The following GCH1 variants were observed in gnomAD, a reference collection of about 807,000 sequenced individuals.
GCH1 encodes GTP cyclohydrolase I.
A neutral mutation model predicts 25.9 loss-of-function variants in GCH1; 5 were observed. The observed-to-expected ratio is 0.19, with a 90% confidence interval of 0.10 to 0.41. The LOEUF (loss-of-function observed/expected upper bound fraction) is 0.41, where lower values mean the gene tolerates loss of function less well. GCH1 is among the 10% of genes least tolerant of loss of function. The pLI is 1.00. For synonymous variants in GCH1, 159 were observed against 129.6 expected (o/e 1.23, Z -1.54); for missense variants, 261 against 336.5 (o/e 0.78, Z 1.75).
At chr14:54,858,174 C>G (rs1310840868) in intron 3 of GCH1, among the ~76,000 whole-genome samples, 2 of 151,336 alleles carry the variant, frequency 1.3e-5, no homozygotes, top group Non-Finnish European at 2.9e-5. Context: ...TGAGAAATAT[C>G]AGGACCACCA....
In GCH1 at chr14:54,902,783, C is replaced by G. The variant is rs1370156826; in HGVS notation, c.-120G>C. ...GCCGGAGTCACCTGAGGAAGGTACGCAACCTGCTTAGATCACACTCCGAGC... is the reference window on the plus strand; with the variant it reads ...GCCGGAGTCACCTGAGGAAGGTACGGAACCTGCTTAGATCACACTCCGAGC... On this transcript the variant is annotated 5_prime_UTR_variant, in exon 1 of 6. Transcript: ENST00000491895. The G allele has an allele frequency of 7.7e-6, 10 of 1,303,306 alleles. No individual in the cohort carries two copies. In the South Asian group the frequency reaches 1.6e-4, roughly 21 times the overall value. The allele number at this position is 1,303,306 out of a possible 1,614,324, so 80.7% of individuals were successfully genotyped here. A position where few individuals can be genotyped will look rare whatever the true frequency, so the allele number is the denominator to read the frequency against.
chr14:54,867,049 C>A (rs2039997735), intron 1 of GCH1, among the ~76,000 whole-genome samples: 3 of 152,132 alleles, frequency 2.0e-5, no homozygotes, highest in Admixed American at 1.3e-4. Context: ...TCTTGGATTT[C>A]TCCCCAAGAT....
chr14:54,845,431 T>C (rs986787704), intron 5 of GCH1, among the ~76,000 whole-genome samples: 10 of 151,762 alleles, frequency 6.6e-5, no homozygotes, highest in Admixed American at 1.3e-4. Context: ...TGAGCCGAGA[T>C]TGCACCACTG....
chr14:54,879,882 G>T (rs1334404149), intron 1 of GCH1, among the ~76,000 whole-genome samples: 1 of 150,782 alleles, frequency 6.6e-6, no homozygotes, highest in Admixed American at 6.7e-5. Context: ...GTACTCAGGA[G>T]GCTGAGGCAG....
At chr14:54,885,587 A>C (rs1389391884) in intron 1 of GCH1, 2 of 390,878 alleles carry the variant, frequency 5.1e-6, no homozygotes, top group Admixed American at 3.0e-5. Flanking sequence ...GTCATCTGCC[A>C]CCAGGAAGAA....
Position 54,861,372 on chromosome 14 carries a change from C to T in GCH1, c.454-1636G>A, listed in dbSNP as rs181601292. Among the ~76,000 whole-genome samples the T allele has an allele frequency of 2.9e-3, 434 of 152,234 alleles. 2 individuals carry two copies. Among genetic ancestry groups the T allele is most frequent in the African/African-American group, 9.8e-3 (407 of 41,544 alleles). On this transcript the variant is annotated intron_variant, in intron 2 of 5. Transcript: ENST00000491895. ...AAATTTTTACATTTCCATGCAGACACGGAATTTGTTCATTGTTTATACTAT... is the reference window on the plus strand; with the variant it reads ...AAATTTTTACATTTCCATGCAGACATGGAATTTGTTCATTGTTTATACTAT...
rs941757524 is a variant in GCH1, at chr14:54,842,935, T to C, written c.*1082A>G. ...ACCGGGACCAGAAGCTTCCAGTGCATTTTCACAGATCGTTGGTACGATACG... is the reference window on the plus strand; with the variant it reads ...ACCGGGACCAGAAGCTTCCAGTGCACTTTCACAGATCGTTGGTACGATACG... On this transcript the variant is annotated 3_prime_UTR_variant, in exon 6 of 6. Coordinates refer to ENST00000491895, the MANE Select transcript of GCH1 (RefSeq NM_000161.3). 3.1e-5 allele frequency: 20 copies of C among 655,148 alleles called. No individual in the cohort carries two copies. Among genetic ancestry groups the C allele is most frequent in the Admixed American group, 2.6e-5 (1 of 38,900 alleles). 40.6% of individuals were successfully genotyped at this position (655,148 alleles called of 1,614,324 possible).
Position 54,842,966 on chromosome 14 carries a change from G to A in GCH1, c.*1051C>T. 1.4e-6 allele frequency: 1 copy of A among 740,476 alleles called. No homozygotes were observed. The highest frequency in any genetic ancestry group is 1.5e-5 in the South Asian group (1 of 64,990). The allele number at this position is 740,476 out of a possible 1,614,324, so 45.9% of individuals were successfully genotyped here. On this transcript the variant is annotated 3_prime_UTR_variant, in exon 6 of 6. Transcript: ENST00000491895. ...CAGATCGTTGGTACGATACGCTTTG[G>A]TTAAAACGTTGGACACAGCTCATAA...
chr14:54,893,125 C>G (rs1353837460), intron 1 of GCH1, among the ~76,000 whole-genome samples: 1 of 152,160 alleles, frequency 6.6e-6, no homozygotes, highest in Non-Finnish European at 1.5e-5. Flanking sequence ...GAATAAAATT[C>G]TAGTAAATGA....
At chr14:54,899,099 C>T (rs1485238170) in intron 1 of GCH1, among the ~76,000 whole-genome samples, 1 of 152,148 alleles carries the variant, frequency 6.6e-6, no homozygotes, top group Admixed American at 6.5e-5. Context: ...CACCTTCATA[C>T]ATGTGGTCCA....
Position 54,902,491 on chromosome 14 carries a change from G to A in GCH1, c.173C>T (p.Pro58Leu), listed in dbSNP as rs1438904628. Reference sequence around the variant, plus strand: ...CAGCTCGTTATCCTCCTCGCTGCGGGGCCGCTCGCCCTTCCAGCCGTCCGC... The same window carrying A: ...CAGCTCGTTATCCTCCTCGCTGCGGAGCCGCTCGCCCTTCCAGCCGTCCGC... ...QPADGWKGERPRSEEDNELNL... is the reference protein window; with the variant it reads ...QPADGWKGERLRSEEDNELNL... The change falls in exon 1 of 6, where the codon CCC becomes CTC. Residue 58 changes from proline (P) to leucine (L), a missense_variant. By Grantham distance (98) the Pro-to-Leu change is moderately conservative. Coordinates refer to ENST00000491895, the MANE Select transcript of GCH1 (RefSeq NM_000161.3). The A allele has an allele frequency of 1.2e-6, 2 of 1,609,332 alleles. No homozygotes were observed. Among genetic ancestry groups the A allele is most frequent in the Admixed American group, 1.7e-5 (1 of 59,640 alleles).
intron 3 of GCH1, among the ~76,000 whole-genome samples, chr14:54,852,021 CT>C (rs1755784400): frequency 6.6e-6 from 1 of 152,212 alleles, no homozygotes; most frequent in South Asian, 2.1e-4. Flanking sequence ...AACTACTGAC[CT>C]CAGGTGATCT....
At chr14:54,864,861 T>C (rs1353392917) in intron 2 of GCH1, among the ~76,000 whole-genome samples, 1 of 152,130 alleles carries the variant, frequency 6.6e-6, no homozygotes, top group Non-Finnish European at 1.5e-5. Context: ...TGGAAACAAA[T>C]CCACAAATAC....
chr14:54,858,550 T>C (rs576534587), intron 3 of GCH1, among the ~76,000 whole-genome samples: 1 of 152,030 alleles, frequency 6.6e-6, no homozygotes, highest in Non-Finnish European at 1.5e-5. Context: ...CCTCCCAAAG[T>C]GCTGGGATTA....
In GCH1 at chr14:54,885,995, G is replaced by A. The variant is rs529243748; in HGVS notation, c.343+16326C>T. On this transcript the variant is annotated intron_variant, in intron 1 of 5. Coordinates refer to ENST00000491895, the MANE Select transcript of GCH1 (RefSeq NM_000161.3). ...AGACTATCAGCATCCTGTTTCCTGG[G>A]CTCTGCCAGCTCCTGGAATGCTACC... 9.3e-5 allele frequency: 25 copies of A among 267,966 alleles called. 1 individual carries two copies. Among genetic ancestry groups the A allele is most frequent in the South Asian group, 3.8e-4 (9 of 23,766 alleles). 16.6% of individuals were successfully genotyped at this position (267,966 alleles called of 1,614,324 possible). A position where few individuals can be genotyped will look rare whatever the true frequency, so the allele number is the denominator to read the frequency against.
rs1384871974 is a variant in GCH1, at chr14:54,843,611, A to C, written c.*406T>G. On this transcript the variant is annotated 3_prime_UTR_variant, in exon 6 of 6. Coordinates refer to ENST00000491895, the MANE Select transcript of GCH1 (RefSeq NM_000161.3). ...ATTTTAGCACTTTCGGCACTACACC[A>C]CTTTTATTGGAGGAAGAAAAAAAAC... is the stretch of plus-strand genomic sequence containing the variant. 6.8e-7 allele frequency: 1 copy of C among 1,462,170 alleles called. No homozygotes were observed. The highest frequency in any genetic ancestry group is 9.0e-7 in the Non-Finnish European group (1 of 1,109,818). 90.6% of individuals were successfully genotyped at this position (1,462,170 alleles called of 1,614,324 possible).
chr14:54,868,071 C>G (rs2040014641), intron 1 of GCH1, among the ~76,000 whole-genome samples: 1 of 152,110 alleles, frequency 6.6e-6, no homozygotes, highest in Non-Finnish European at 1.5e-5. Context: ...TAACTGCAGC[C>G]TAATCATCAG....
intron 1 of GCH1, among the ~76,000 whole-genome samples, chr14:54,887,517 C>T (rs950205759): frequency 2.6e-5 from 4 of 152,142 alleles, no homozygotes; most frequent in African/African-American, 9.7e-5. Context: ...GGGCGGTAGG[C>T]GCTATTCCAG....
chr14:54,891,341 A>G (rs2040420064), intron 1 of GCH1, among the ~76,000 whole-genome samples: 3 of 151,524 alleles, frequency 2.0e-5, no homozygotes. Flanking sequence ...CCTGACCTCA[A>G]ATGATACGCC....
Sources: gnomAD v4.1 joint callset for allele counts (sites outside exome capture counted in the v4.1 genomes callset) on GRCh38, gnomAD v4.1.1 for gene constraint, MANE v1.5 for transcripts, NCBI Gene and HGNC (gene_info 2026-07-23, HGNC 2026-07-21) for gene names.